The following LMNTD1 variants were observed in gnomAD, a reference collection of about 807,000 sequenced individuals.
LMNTD1 encodes lamin tail domain containing 1.
A neutral mutation model predicts 50.9 loss-of-function variants in LMNTD1; 35 were observed. That is an observed-to-expected ratio of 0.69 (90% confidence interval 0.53 to 0.91). The LOEUF (loss-of-function observed/expected upper bound fraction) is 0.91. LMNTD1 is among the 40% of genes least tolerant of loss of function. The probability of loss-of-function intolerance (pLI) is 0.00; values close to 1 mark genes in which losing one functional copy is unlikely to be tolerated. For synonymous variants in LMNTD1, 153 were observed against 161.9 expected, an observed-to-expected ratio of 0.94 and a Z score of 0.42; for missense variants, 470 against 475.5, an observed-to-expected ratio of 0.99 and a Z score of 0.11.
At chr12:25,579,301 C>T (rs920052093) in intron 1 of LMNTD1, among the ~76,000 whole-genome samples, 1 of 152,110 alleles carries the variant, frequency 6.6e-6, no homozygotes, top group South Asian at 2.1e-4. Flanking sequence ...ACCTAAAAAA[C>T]ACAGTATAAC....
intron 7 of LMNTD1, 106 bp downstream of exon 7, chr12:25,519,752 T>C (rs1375864211): frequency 5.4e-6 from 4 of 736,234 alleles, no homozygotes; most frequent in Non-Finnish European, 9.2e-6. Context: ...TCACTATTGA[T>C]TTAATTTATA....
chr12:25,528,188 G>C (rs1941949985), intron 4 of LMNTD1, among the ~76,000 whole-genome samples: 1 of 151,912 alleles, frequency 6.6e-6, no homozygotes, highest in Admixed American at 6.6e-5. Context: ...TCTTATTGAA[G>C]GTCACACTAA....
chr12:25,618,470 G>A (rs915210017), intron 1 of LMNTD1, among the ~76,000 whole-genome samples: 6 of 152,084 alleles, frequency 3.9e-5, no homozygotes, highest in African/African-American at 9.7e-5. Flanking sequence ...CCATTGCTTC[G>A]GGTTAAGAAT....
rs1469340202 is a variant in LMNTD1 at position 25,520,149 on chromosome 12, T to TAG, written c.799-75_799-74insCT. 17 of 170,698 alleles carry TAG rather than the reference T, an allele frequency of 1.0e-4. No individual in the cohort carries two copies. The Admixed American group carries it at 1.0e-3, about 10-fold the overall frequency. The allele number at this position is 170,698 out of a possible 1,614,324, so 10.6% of individuals were successfully genotyped here. A position where few individuals can be genotyped will look rare whatever the true frequency, so the allele number is the denominator to read the frequency against. On this transcript the variant is annotated intron_variant, in intron 6 of 9. Coordinates refer to ENST00000458174, the MANE Select transcript of LMNTD1 (RefSeq NM_001145728.2). ...AACATGCTGTTATGAGATATACATA[T>TAG]ATATATATATATATATATATATATA...
At chr12:25,597,384 G>A (rs1945867187) in intron 1 of LMNTD1, among the ~76,000 whole-genome samples, 1 of 151,972 alleles carries the variant, frequency 6.6e-6, no homozygotes, top group Non-Finnish European at 1.5e-5. Context: ...TAGATTGCAA[G>A]ACAAAATCTA....
At chr12:25,544,713 T>C (rs1340333398) in intron 4 of LMNTD1, among the ~76,000 whole-genome samples, 1 of 151,766 alleles carries the variant, frequency 6.6e-6, no homozygotes, top group Non-Finnish European at 1.5e-5. Flanking sequence ...TGTGAATCTA[T>C]TATAGGTTTT....
At chr12:25,489,337 G>A (rs1230446802) in intron 9 of LMNTD1, among the ~76,000 whole-genome samples, 6 of 151,150 alleles carry the variant, frequency 4.0e-5, no homozygotes, top group African/African-American at 1.5e-4. Flanking sequence ...GTGGTGCGCC[G>A]TTTTTTAAGC....
At chr12:25,637,188 T>G (rs1389007178) in intron 1 of LMNTD1, among the ~76,000 whole-genome samples, 1 of 152,112 alleles carries the variant, frequency 6.6e-6, no homozygotes, top group African/African-American at 2.4e-5. Context: ...ATTAGAATTA[T>G]GAGACATTTA....
At chr12:25,554,173 G>T (rs980785081), upstream of LMNTD1, among the ~76,000 whole-genome samples, 4 of 152,166 alleles carry the variant, frequency 2.6e-5, no homozygotes, top group Admixed American at 2.0e-4. Context: ...GCATCAGAAG[G>T]TTTATAAATT....
chr12:25,561,031 T>C (rs1033637428), intron 1 of LMNTD1, among the ~76,000 whole-genome samples: 9 of 152,352 alleles, frequency 5.9e-5, no homozygotes, highest in Non-Finnish European at 1.2e-4. Flanking sequence ...TTTTTCTTTC[T>C]CTTGCCCGAT....
At chr12:25,505,387 G>C (rs947177671) in intron 8 of LMNTD1, among the ~76,000 whole-genome samples, 2 of 151,994 alleles carry the variant, frequency 1.3e-5, no homozygotes, top group African/African-American at 4.8e-5. Context: ...TAAAATATCT[G>C]GTCATAATGT....
chr12:25,508,114 A>ATTC (rs1939960352), intron 8 of LMNTD1, among the ~76,000 whole-genome samples: 1 of 114,374 alleles, frequency 8.7e-6, no homozygotes. Context: ...TTTTATTGTT[A>ATTC]AGTTTTTTAA....
intron 1 of LMNTD1, among the ~76,000 whole-genome samples, chr12:25,590,961 A>G (rs917227961): frequency 6.6e-6 from 1 of 152,090 alleles, no homozygotes; most frequent in African/African-American, 2.4e-5. Context: ...GTAAGACTCT[A>G]ACACTGGCTG....
At chr12:25,646,482 C>T (rs1198719355) in intron 1 of LMNTD1, among the ~76,000 whole-genome samples, 1 of 152,148 alleles carries the variant, frequency 6.6e-6, no homozygotes, top group Admixed American at 6.5e-5. Context: ...CAACCTAGCC[C>T]TAGGATCATT....
At chr12:25,627,416 G>A (rs1387230843) in intron 1 of LMNTD1, among the ~76,000 whole-genome samples, 3 of 152,056 alleles carry the variant, frequency 2.0e-5, no homozygotes, top group Non-Finnish European at 4.4e-5. Context: ...GTGCTCAGTC[G>A]TTAATCAGTT....
At chr12:25,580,111 TG>T (rs1945216729) in intron 1 of LMNTD1, among the ~76,000 whole-genome samples, 1 of 152,190 alleles carries the variant, frequency 6.6e-6, no homozygotes, top group Non-Finnish European at 1.5e-5. Context: ...ACCCAGGCTT[TG>T]TTCAGTTTAG....
At chr12:25,639,264 T>C (rs1295082200) in intron 1 of LMNTD1, among the ~76,000 whole-genome samples, 1 of 152,122 alleles carries the variant, frequency 6.6e-6, no homozygotes, top group East Asian at 1.9e-4. Context: ...GGCTAAGCCT[T>C]TTTAGATATG....
intron 1 of LMNTD1, among the ~76,000 whole-genome samples, chr12:25,644,011 G>A (rs1174413107): frequency 6.6e-6 from 1 of 152,188 alleles, no homozygotes; most frequent in Non-Finnish European, 1.5e-5. Context: ...ATATGGGAAA[G>A]CGTTCATCAT....
At chr12:25,560,117 G>A (rs190190685) in intron 1 of LMNTD1, among the ~76,000 whole-genome samples, 8 of 152,166 alleles carry the variant, frequency 5.3e-5, no homozygotes, top group Admixed American at 2.6e-4. Context: ...AGTCCTTGCC[G>A]ATGCCTATGT....
Sources: gnomAD v4.1 joint callset for allele counts (sites outside exome capture counted in the v4.1 genomes callset) on GRCh38, gnomAD v4.1.1 for gene constraint, MANE v1.5 for transcripts, NCBI Gene and HGNC (gene_info 2026-07-23, HGNC 2026-07-21) for gene names.